LDLRAP1: variants seen among roughly 807,000 people sequenced by gnomAD.
LDLRAP1 encodes low density lipoprotein receptor adaptor protein 1, also known as low density lipoprotein receptor adapter protein 1.
LDLRAP1 carries 30 observed loss-of-function variants against 37.8 expected under a neutral mutation model. The observed-to-expected ratio is 0.79, with a 90% CI of 0.59 to 1.08. The LOEUF is 1.08. Among genes scored for constraint, LDLRAP1 ranks in the 50% least tolerant of loss-of-function variants. The pLI is 0.00. For missense variants in LDLRAP1, 375 were observed against 401.6 expected (o/e 0.93, Z 0.57); for synonymous variants, 156 against 169.8 (o/e 0.92, Z 0.63).
chr1:25,560,871 G>A (rs1335774615), intron 4 of LDLRAP1, among the ~76,000 whole-genome samples: 2 of 152,218 alleles, frequency 1.3e-5, no homozygotes, highest in African/African-American at 4.8e-5. Context: ...ACCTAATGCT[G>A]GTCCTCGGAT....
rs948424225 is a variant in LDLRAP1, at chr1:25,565,314, G to C, written c.782+107G>C. The C allele has an allele frequency of 5.6e-6, 7 of 1,257,382 alleles. No homozygotes were observed. In the Admixed American group the frequency reaches 8.5e-5, roughly 15 times the overall value. The allele number at this position is 1,257,382 out of a possible 1,614,324, so 77.9% of individuals were successfully genotyped here. ...CCTGATTAAGAACACAAGCCACTCAGACCCCCTCCAGAGCAACAGTCCCAT... is the reference window on the plus strand; with the variant it reads ...CCTGATTAAGAACACAAGCCACTCACACCCCCTCCAGAGCAACAGTCCCAT... On this transcript the variant is annotated intron_variant, in intron 8 of 8. Transcript: ENST00000374338.
intron 3 of LDLRAP1, among the ~76,000 whole-genome samples, chr1:25,556,121 G>C (rs539793070): frequency 6.6e-6 from 1 of 152,180 alleles, no homozygotes; most frequent in South Asian, 2.1e-4. Flanking sequence ...CTGCCCACCG[G>C]GGTGTTGATG....
the LDLRAP1 span, among the ~76,000 whole-genome samples, chr1:25,581,056 C>G: frequency 6.6e-6 from 1 of 152,148 alleles, no homozygotes; most frequent in Admixed American, 6.5e-5. Flanking sequence ...CTTCCTAATT[C>G]TAGATGTTAC....
rs1255706290 is a variant in LDLRAP1, at chr1:25,554,006, T to C, written c.173T>C (p.Val58Ala). ...CTCAAGTACCTGGGCATGACGCTAGTGGAGCAGCCCAAGGGTGAGGAGCTG... is the reference window on the plus strand; with the variant it reads ...CTCAAGTACCTGGGCATGACGCTAGCGGAGCAGCCCAAGGGTGAGGAGCTG... ...FSLKYLGMTL[V>A]EQPKGEELSA... Residue 58 changes from valine (V) to alanine (A), a missense_variant, in exon 2 of 9, where the codon GTG (valine) becomes GCG (alanine). By Grantham distance (64) the Val-to-Ala change is moderately conservative (BLOSUM62 0). Transcript: ENST00000374338. This position sits in a 1 kb window ranked among gnomAD's most constrained non-coding sequence, Gnocchi z 5.4. 1.2e-6 allele frequency: 2 copies of C among 1,613,950 alleles called. No homozygotes were observed. The highest frequency in any genetic ancestry group is 1.7e-6 in the Non-Finnish European group (2 of 1,180,012).
intron 4 of LDLRAP1, chr1:25,557,551 G>A: frequency 2.0e-6 from 1 of 501,640 alleles, no homozygotes; most frequent in Admixed American, 3.3e-5. Flanking sequence ...TTGCTGGGTT[G>A]AGATTGTTTT....
Position 25,554,174 on chromosome 1 carries a change from C to CCCTG in LDLRAP1, c.231+113_231+116dup. ...TCCAGTTGGGTGTGTCTGAGCCTGG[C>CCCTG]CCTGCCCTTCATTCTCCTTCCATCC... On this transcript the variant is annotated intron_variant, in intron 2 of 8. Transcript: ENST00000374338. The surrounding 1 kb of genome is among the most constrained non-coding windows in gnomAD (Gnocchi z 5.4). 8 of 1,350,004 alleles carry CCCTG rather than the reference C, an allele frequency of 5.9e-6. No individual in the cohort carries two copies. Among genetic ancestry groups the CCCTG allele is most frequent in the Non-Finnish European group, 8.2e-6 (8 of 971,138 alleles). 83.6% of individuals were successfully genotyped at this position (1,350,004 alleles called of 1,614,324 possible).
intron 4 of LDLRAP1, among the ~76,000 whole-genome samples, chr1:25,557,668 G>A (rs917757259): frequency 3.9e-5 from 6 of 152,160 alleles, no homozygotes; most frequent in South Asian, 2.1e-4. Context: ...GGCGAGAGCC[G>A]TCAGAGAACC....
chr1:25,572,862 C>A (rs768727490), downstream of LDLRAP1, among the ~76,000 whole-genome samples: 1 of 152,226 alleles, frequency 6.6e-6, no homozygotes, highest in African/African-American at 2.4e-5. Context: ...CACTGTCCCC[C>A]TCAAGGACGC....
chr1:25,575,060 C>T, the LDLRAP1 span, among the ~76,000 whole-genome samples: 4 of 152,248 alleles, frequency 2.6e-5, no homozygotes, highest in South Asian at 2.1e-4. Context: ...GAGGTAGGGA[C>T]GACTCACCGT....
chr1:25,570,018 A>G (rs367621306), downstream of LDLRAP1, among the ~76,000 whole-genome samples: 7 of 152,298 alleles, frequency 4.6e-5, no homozygotes, highest in East Asian at 1.3e-3. Context: ...GAGATTCCCC[A>G]GGCCTCTGCC....
chr1:25,552,134 C>T (rs1025993821), intron 1 of LDLRAP1, among the ~76,000 whole-genome samples: 2 of 152,154 alleles, frequency 1.3e-5, no homozygotes, highest in Non-Finnish European at 2.9e-5. Context: ...AGGCCCAGGG[C>T]TCTAGGATAG....
At chr1:25,580,147 G>A in the LDLRAP1 span, among the ~76,000 whole-genome samples, 1 of 152,208 alleles carries the variant, frequency 6.6e-6, no homozygotes, top group Non-Finnish European at 1.5e-5. Flanking sequence ...TGTCTGTTCT[G>A]TCTGTTCTCC....
chr1:25,570,815 G>A (rs1349499546), downstream of LDLRAP1, among the ~76,000 whole-genome samples: 1 of 151,964 alleles, frequency 6.6e-6, no homozygotes, highest in Non-Finnish European at 1.5e-5. Flanking sequence ...GCCGAGATCG[G>A]GCCACTACAC....
intron 3 of LDLRAP1, among the ~76,000 whole-genome samples, chr1:25,556,378 C>G (rs914876615): frequency 2.6e-5 from 4 of 152,182 alleles, no homozygotes; most frequent in Non-Finnish European, 1.5e-5. Context: ...GAGGGTGCTC[C>G]ATGCAGAGGG....
Position 25,554,975 on chromosome 1 carries a change from A to G in LDLRAP1, c.344+3A>G. ...ATTGAGAACGTGTCCATATACAGGT[A>G]CGCTCAGCATGGGGTTGGCCCATCC... On this transcript the variant is annotated splice_donor_region_variant and intron_variant, in intron 3 of 8. Transcript: ENST00000374338. The surrounding 1 kb of genome is among the most constrained non-coding windows in gnomAD (Gnocchi z 5.4). The G allele has an allele frequency of 6.2e-7, 1 of 1,610,156 alleles. No individual in the cohort carries two copies. Among genetic ancestry groups the G allele is most frequent in the Non-Finnish European group, 8.5e-7 (1 of 1,176,400 alleles).
intron 4 of LDLRAP1, among the ~76,000 whole-genome samples, chr1:25,562,116 C>T (rs1305743090): frequency 6.6e-6 from 1 of 152,216 alleles, no homozygotes; most frequent in Non-Finnish European, 1.5e-5. Flanking sequence ...CTTCTACTCT[C>T]TTTGTGGGAT....
the LDLRAP1 span, among the ~76,000 whole-genome samples, chr1:25,587,949 T>A: frequency 0.098 from 14,982 of 152,124 alleles, 1,654 homozygotes; most frequent in East Asian, 0.24. Flanking sequence ...AAAATTCTTC[T>A]GCCTTGAGAT....
rs1006559064 is a variant in LDLRAP1 at position 25,554,830 on chromosome 1, A to G, written c.232-30A>G. The G allele has an allele frequency of 7.6e-6, 12 of 1,575,864 alleles. No individual in the cohort carries two copies. Among genetic ancestry groups the G allele is most frequent in the Non-Finnish European group, 9.6e-6 (11 of 1,147,036 alleles). On this transcript the variant is annotated intron_variant, in intron 2 of 8. Coordinates refer to ENST00000374338, the MANE Select transcript of LDLRAP1 (RefSeq NM_015627.3). The surrounding 1 kb of genome is among the most constrained non-coding windows in gnomAD (Gnocchi z 5.4). ...AGGGTGGGTCTCAAGTGAGGCTGGC[A>G]GACTCCTCTGACTCCTGTCTGCTCC...
rs1182417521 is a variant in LDLRAP1, at chr1:25,568,192, C to T, written c.*1200C>T. 5 of 152,604 alleles carry T rather than the reference C, an allele frequency of 3.3e-5. No homozygotes were observed. The highest frequency in any genetic ancestry group is 2.0e-4 in the Admixed American group (3 of 15,290). 9.5% of individuals were successfully genotyped at this position (152,604 alleles called of 1,614,324 possible). A position where few individuals can be genotyped will look rare whatever the true frequency, so the allele number is the denominator to read the frequency against. On this transcript the variant is annotated 3_prime_UTR_variant, in exon 9 of 9. Transcript: ENST00000374338. ...TTCCACACAGAACTGGCAGGAGCCTCGTGTCCTGCTAGCTGTCTCTCTTGT... is the reference window on the plus strand; with the variant it reads ...TTCCACACAGAACTGGCAGGAGCCTTGTGTCCTGCTAGCTGTCTCTCTTGT...
Sources: allele counts gnomAD v4.1 joint callset (sites outside exome capture counted in the v4.1 genomes callset), GRCh38; gene constraint gnomAD v4.1.1; non-coding constraint Gnocchi (gnomAD v3.1); transcripts MANE v1.5; gene names NCBI Gene and HGNC (gene_info 2026-07-23, HGNC 2026-07-21).